DLGAP2: variants seen among roughly 807,000 people sequenced by gnomAD.
DLGAP2 encodes the protein disks large-associated protein 2.
Under a neutral mutation model 100.3 loss-of-function variants are expected in DLGAP2, and 26 were observed. The observed-to-expected ratio is 0.26, with a 90% confidence interval of 0.19 to 0.36. The LOEUF (loss-of-function observed/expected upper bound fraction) is 0.36. Ranked by LOEUF, DLGAP2 falls within the 10% of genes least tolerant of loss-of-function variation. The probability of loss-of-function intolerance (pLI) is 1.00; values close to 1 mark genes in which losing one functional copy is unlikely to be tolerated. For missense variants in DLGAP2, 1,858 were observed against 1,453.2 expected (o/e 1.28, Z -4.53); for synonymous variants, 886 against 630.1 (o/e 1.41, Z -6.08).
At chr8:1,462,226 G>T (rs114922252) in intron 3 of DLGAP2, among the ~76,000 whole-genome samples, 1 of 80,032 alleles carries the variant, frequency 1.2e-5, no homozygotes. Flanking sequence ...GGAGAAGGGT[G>T]GCGTTCAGGT....
At chr8:1,337,327 G>C (rs1485292135) in intron 3 of DLGAP2, among the ~76,000 whole-genome samples, 2 of 68,902 alleles carry the variant, frequency 2.9e-5, no homozygotes, top group African/African-American at 1.1e-4. Flanking sequence ...GAGAATGATG[G>C]TGATGATGGT....
chr8:748,330 G>T (rs1396295614), intron 1 of DLGAP2, among the ~76,000 whole-genome samples: 1 of 151,888 alleles, frequency 6.6e-6, no homozygotes, highest in Non-Finnish European at 1.5e-5. Context: ...GGATGGGCAG[G>T]CTCTGGTGCT....
In DLGAP2 at chr8:1,632,152, A is replaced by C. The variant is rs560134499; in HGVS notation, c.1591-675A>C. Among the ~76,000 whole-genome samples the C allele has an allele frequency of 5.1e-4, 78 of 152,212 alleles. No homozygotes were observed. In the Middle Eastern group the frequency reaches 0.01, roughly 20 times the overall value. On this transcript the variant is annotated intron_variant, in intron 7 of 14. Coordinates refer to ENST00000637795, the MANE Select transcript of DLGAP2 (RefSeq NM_001346810.2). Reference sequence around the variant, plus strand: ...AGGGGAAAATGAAGTGAGTATACTAATATCCTAAGCTAAGGAAGAATAAAA... The same window carrying C: ...AGGGGAAAATGAAGTGAGTATACTACTATCCTAAGCTAAGGAAGAATAAAA...
At chr8:1,057,613 C>T (rs1241453354) in intron 2 of DLGAP2, among the ~76,000 whole-genome samples, 1 of 152,194 alleles carries the variant, frequency 6.6e-6, no homozygotes, top group Non-Finnish European at 1.5e-5. Flanking sequence ...TAAACACCGA[C>T]AAAGTCTTTC....
At chr8:1,680,332 A>C (rs1798914372) in intron 12 of DLGAP2, among the ~76,000 whole-genome samples, 1 of 152,248 alleles carries the variant, frequency 6.6e-6, no homozygotes, top group Non-Finnish European at 1.5e-5. Flanking sequence ...TAATCCTAGA[A>C]ATAGAAGTGC....
intron 1 of DLGAP2, among the ~76,000 whole-genome samples, chr8:902,985 CGG>C (rs539189812): frequency 2.5e-5 from 1 of 39,746 alleles, no homozygotes; most frequent in Non-Finnish European, 4.4e-5. Context: ...TGGGTGGGGG[CGG>C]GGGGGCGGAA....
intron 2 of DLGAP2, among the ~76,000 whole-genome samples, chr8:1,063,028 CCTGTGTTTTT>C (rs1471207121): frequency 6.6e-6 from 1 of 152,124 alleles, no homozygotes; most frequent in Non-Finnish European, 1.5e-5. Context: ...GCTATTAAGA[CCTGTGTTTTT>C]CTATGCAAGC....
intron 3 of DLGAP2, among the ~76,000 whole-genome samples, chr8:1,474,260 A>G (rs1798874781): frequency 6.6e-6 from 1 of 152,064 alleles, no homozygotes; most frequent in Non-Finnish European, 1.5e-5. Flanking sequence ...TGTATACCAC[A>G]GTTTCTTTAT....
intron 1 of DLGAP2, among the ~76,000 whole-genome samples, chr8:770,049 A>T (rs1227982277): frequency 2.6e-5 from 4 of 152,230 alleles, no homozygotes; most frequent in African/African-American, 9.6e-5. Context: ...AAGAACTTAC[A>T]TGCATGCATC....
intron 2 of DLGAP2, among the ~76,000 whole-genome samples, chr8:1,180,434 C>G (rs143167646): frequency 5.6e-4 from 86 of 152,358 alleles, no homozygotes; most frequent in Non-Finnish European, 1.0e-3. Context: ...TGAGCTCAAG[C>G]AGTCCTCTGC....
In DLGAP2 at chr8:1,177,413, C is replaced by T. The variant is rs114946300; in HGVS notation, c.74-81438C>T. On this transcript the variant is annotated intron_variant, in intron 2 of 14. Coordinates refer to ENST00000637795, the MANE Select transcript of DLGAP2 (RefSeq NM_001346810.2). ...TGGCCCGAGTTCTGCCATCTGTTGT[C>T]AGGAGGCCTCCTGACTTTCCCACCA... is the stretch of plus-strand genomic sequence containing the variant. 7.1e-3 allele frequency among the ~76,000 whole-genome samples: 1,085 copies of T among 152,156 alleles called. 16 individuals carry two copies. Among genetic ancestry groups the T allele is most frequent in the African/African-American group, 0.025 (1,031 of 41,510 alleles).
intron 2 of DLGAP2, among the ~76,000 whole-genome samples, chr8:1,118,480 A>T (rs898473774): frequency 1.2e-4 from 18 of 152,212 alleles, no homozygotes; most frequent in Non-Finnish European, 2.4e-4. Context: ...CACTGGGACA[A>T]ATGTCTTCAT....
At chr8:1,507,704 G>T (rs1799976858) in intron 4 of DLGAP2, among the ~76,000 whole-genome samples, 1 of 148,478 alleles carries the variant, frequency 6.7e-6, no homozygotes, top group South Asian at 2.1e-4. Flanking sequence ...TAGAAAGAAG[G>T]TAGCAGTCCA....
intron 2 of DLGAP2, among the ~76,000 whole-genome samples, chr8:1,070,301 C>G (rs989954433): frequency 6.6e-6 from 1 of 152,148 alleles, no homozygotes; most frequent in South Asian, 2.1e-4. Flanking sequence ...ACAGCAGGGA[C>G]TTAGGCAGAG....
At chr8:1,648,388 A>AT (rs937425342) in intron 8 of DLGAP2, among the ~76,000 whole-genome samples, 13 of 151,776 alleles carry the variant, frequency 8.6e-5, no homozygotes, top group Non-Finnish European at 1.3e-4. Context: ...AAGAAATAAC[A>AT]TTTTTTTTTA....
At chr8:822,996 G>T (rs1796611799) in intron 1 of DLGAP2, among the ~76,000 whole-genome samples, 1 of 152,114 alleles carries the variant, frequency 6.6e-6, no homozygotes, top group Non-Finnish European at 1.5e-5. Context: ...GGGAAGAGAG[G>T]ATTATTTCTT....
At chr8:1,019,921 G>T (rs1002676677) in intron 2 of DLGAP2, among the ~76,000 whole-genome samples, 1 of 152,112 alleles carries the variant, frequency 6.6e-6, no homozygotes, top group Non-Finnish European at 1.5e-5. Context: ...GTGAATGCAG[G>T]GCGTGGGGAG....
intron 2 of DLGAP2, among the ~76,000 whole-genome samples, chr8:1,078,137 C>T (rs1391786774): frequency 6.6e-6 from 1 of 152,202 alleles, no homozygotes; most frequent in East Asian, 1.9e-4. Flanking sequence ...TCCCTTCCAG[C>T]TCCCTCAACA....
chr8:1,677,224 G>C (rs1798831741), intron 11 of DLGAP2, among the ~76,000 whole-genome samples: 1 of 152,180 alleles, frequency 6.6e-6, no homozygotes, highest in South Asian at 2.1e-4. Context: ...TCCCTCATCA[G>C]GGAGCGTTTT....
Sources: allele counts gnomAD v4.1 joint callset (sites outside exome capture counted in the v4.1 genomes callset), GRCh38; gene constraint gnomAD v4.1.1; transcripts MANE v1.5; gene names NCBI Gene and HGNC (gene_info 2026-07-23, HGNC 2026-07-21).